FCHSD2: variants seen among roughly 807,000 people sequenced by gnomAD.
FCHSD2 encodes FCH and double SH3 domains 2, also known as F-BAR and double SH3 domains protein 2.
Under a neutral mutation model 108.1 loss-of-function variants are expected in FCHSD2, and 38 were observed. The observed-to-expected ratio is 0.35, with a 90% CI of 0.27 to 0.46. The LOEUF is 0.46. Among genes scored for constraint, FCHSD2 ranks in the 20% least tolerant of loss-of-function variants. FCHSD2 has a pLI of 1.00. For synonymous variants in FCHSD2, 279 were observed against 314.7 expected (o/e 0.89, Z 1.20); for missense variants, 751 against 897.8 (o/e 0.84, Z 2.09).
At chr11:72,844,498 C>T (rs1219227961) in intron 14 of FCHSD2, among the ~76,000 whole-genome samples, 1 of 152,144 alleles carries the variant, frequency 6.6e-6, no homozygotes, top group Non-Finnish European at 1.5e-5. Flanking sequence ...CTGACAGCAG[C>T]AATCCACCAG....
At chr11:73,001,571 T>C (rs1261038860) in intron 4 of FCHSD2, among the ~76,000 whole-genome samples, 1 of 152,196 alleles carries the variant, frequency 6.6e-6, no homozygotes, top group Non-Finnish European at 1.5e-5. Context: ...AAGAAGAAGG[T>C]GGCACTACTG....
chr11:73,098,839 G>A (rs1257183674), intron 2 of FCHSD2, among the ~76,000 whole-genome samples: 1 of 152,166 alleles, frequency 6.6e-6, no homozygotes, highest in Non-Finnish European at 1.5e-5. Context: ...AATTCTTCAT[G>A]ACCTTGGATT....
intron 4 of FCHSD2, among the ~76,000 whole-genome samples, chr11:73,010,887 G>T (rs1439501389): frequency 6.6e-6 from 1 of 152,172 alleles, no homozygotes; most frequent in East Asian, 1.9e-4. Context: ...AGATTCTTGG[G>T]CCTCTGGGCA....
chr11:72,872,286 CTTTTTTT>C (rs59486746), intron 12 of FCHSD2, among the ~76,000 whole-genome samples: 4 of 132,222 alleles, frequency 3.0e-5, no homozygotes, highest in African/African-American at 1.1e-4. Context: ...TTTTTCTTTT[CTTTTTTT>C]TTTTTTTTTT....
rs537185229 is a variant in FCHSD2, at chr11:72,840,895, T to G, written c.2121A>C (p.Ser707=). 6.2e-7 allele frequency: 1 copy of G among 1,612,370 alleles called. No homozygotes were observed. Among genetic ancestry groups the G allele is most frequent in the African/African-American group, 1.3e-5 (1 of 75,060 alleles). Residue 707 remains serine, a synonymous_variant, in exon 19 of 20, where the codon TCA becomes TCC. Transcript: ENST00000409418. The part of the protein sequence containing the change: ...SQASRHTPET[S]YGKLRPVRAA... The stretch of plus-strand genomic sequence containing the variant: ...GACTTACAGGTCGCAGTTTGCCATA[T>G]GAGGTCTCAGGAGTATGCCTTGATG...
intron 3 of FCHSD2, among the ~76,000 whole-genome samples, chr11:73,034,858 G>A (rs1169680317): frequency 1.3e-5 from 2 of 152,190 alleles, no homozygotes; most frequent in Non-Finnish European, 2.9e-5. Flanking sequence ...AAAGAACCAA[G>A]ACTGTCAATC....
At position 72,843,180 on chromosome 11, in the gene FCHSD2, A is replaced by G. The variant is rs530741137; in HGVS notation, c.1676T>C (p.Val559Ala). Residue 559 changes from valine to alanine, a missense_variant, in exon 16 of 20, where the codon GTT becomes GCT. Coordinates refer to ENST00000409418, the MANE Select transcript of FCHSD2 (RefSeq NM_014824.3). The stretch of plus-strand genomic sequence containing the variant: ...GGCATCTCCGTTGAGGCTGCCTGAA[A>G]CGAGTTCTGCTTCCGTGGAATTGCT... ...TSSNSTEAELVSGSLNGDASV... is the reference protein window; with the variant it reads ...TSSNSTEAELASGSLNGDASV... The G allele has an allele frequency of 1.2e-6, 2 of 1,613,962 alleles. 1 individual carries two copies. The highest frequency in any genetic ancestry group is 2.2e-5 in the South Asian group (2 of 91,072).
intron 4 of FCHSD2, among the ~76,000 whole-genome samples, chr11:73,006,182 C>T (rs1857737493): frequency 6.6e-6 from 1 of 152,084 alleles, no homozygotes; most frequent in African/African-American, 2.4e-5. Flanking sequence ...TCTGGGATTA[C>T]ATACATGAAC....
intron 13 of FCHSD2, among the ~76,000 whole-genome samples, chr11:72,866,002 T>C (rs1056481321): frequency 1.3e-5 from 2 of 152,146 alleles, no homozygotes; most frequent in Non-Finnish European, 2.9e-5. Flanking sequence ...CAAAGTTAGA[T>C]GGTATGTGCC....
intron 18 of FCHSD2, 25 bp downstream of exon 18, chr11:72,841,427 TAG>T (rs770617200): frequency 3.1e-6 from 5 of 1,607,988 alleles, no homozygotes; most frequent in Non-Finnish European, 4.2e-6. Context: ...AAAATGCATT[TAG>T]ACCCATGCCC....
At chr11:73,088,890 C>A (rs1356779301) in intron 2 of FCHSD2, among the ~76,000 whole-genome samples, 1 of 152,038 alleles carries the variant, frequency 6.6e-6, no homozygotes, top group Non-Finnish European at 1.5e-5. Context: ...GTATTTTTTA[C>A]CCTTTTAAGT....
chr11:73,062,133 T>C (rs1379971166), intron 3 of FCHSD2, among the ~76,000 whole-genome samples: 4 of 152,150 alleles, frequency 2.6e-5, no homozygotes, highest in African/African-American at 9.7e-5. Context: ...ATCTTTGATG[T>C]TCTGCAGCCT....
intron 3 of FCHSD2, among the ~76,000 whole-genome samples, chr11:73,077,265 C>T (rs1194001330): frequency 6.6e-6 from 1 of 151,734 alleles, no homozygotes; most frequent in Non-Finnish European, 1.5e-5. Context: ...TGAACAAACA[C>T]CTCACCACAG....
intron 8 of FCHSD2, among the ~76,000 whole-genome samples, chr11:72,969,821 T>C (rs753549819): frequency 9.2e-5 from 14 of 152,196 alleles, no homozygotes; most frequent in Non-Finnish European, 1.6e-4. Context: ...AAGTGATTTA[T>C]TGGATGAAGT....
intron 2 of FCHSD2, among the ~76,000 whole-genome samples, chr11:73,126,671 A>G (rs886435995): frequency 1.3e-5 from 2 of 152,172 alleles, no homozygotes; most frequent in African/African-American, 2.4e-5. Context: ...AATATTACTG[A>G]ATCATTAAAT....
At chr11:72,872,248 G>A (rs1854875575) in intron 12 of FCHSD2, among the ~76,000 whole-genome samples, 1 of 148,628 alleles carries the variant, frequency 6.7e-6, no homozygotes, top group Non-Finnish European at 1.5e-5. Context: ...TAGCTCAGGT[G>A]ACAAAGACCT....
chr11:72,896,884 T>G (rs1246281821), intron 10 of FCHSD2, among the ~76,000 whole-genome samples: 2 of 151,352 alleles, frequency 1.3e-5, no homozygotes, highest in Non-Finnish European at 2.9e-5. Context: ...TGGAGTGCAG[T>G]GGCGCGATCT....
intron 3 of FCHSD2, among the ~76,000 whole-genome samples, chr11:73,049,043 C>T (rs948811232): frequency 1.3e-5 from 2 of 152,136 alleles, no homozygotes; most frequent in East Asian, 1.9e-4. Flanking sequence ...AAACCTAATA[C>T]AATAGAATCT....
intron 2 of FCHSD2, among the ~76,000 whole-genome samples, chr11:73,111,075 C>T (rs1860472887): frequency 6.6e-6 from 1 of 151,854 alleles, no homozygotes; most frequent in Non-Finnish European, 1.5e-5. Flanking sequence ...TGTTTTAAGA[C>T]TTGCTTTGTC....
Sources: allele counts gnomAD v4.1 joint callset (sites outside exome capture counted in the v4.1 genomes callset), GRCh38; gene constraint gnomAD v4.1.1; transcripts MANE v1.5; gene names NCBI Gene and HGNC (gene_info 2026-07-23, HGNC 2026-07-21).